The following EYS variants were observed in gnomAD, a reference collection of about 807,000 sequenced individuals.
EYS encodes EGF-like photoreceptor maintenance factor, also known as protein eyes shut homolog.
In EYS, 250 loss-of-function variants were observed where a neutral mutation model predicts 282.1. That is an observed-to-expected ratio of 0.89 (90% CI 0.80 to 0.98). The LOEUF (loss-of-function observed/expected upper bound fraction) is 0.98. Ranked by LOEUF, EYS falls within the 50% of genes least tolerant of loss-of-function variation. EYS has a pLI of 0.00. For missense variants in EYS, 4,016 were observed against 3,709.0 expected, an observed-to-expected ratio of 1.08 and a Z score of -2.15; for synonymous variants, 1,355 against 1,282.9, an observed-to-expected ratio of 1.06 and a Z score of -1.20.
At chr6:64,262,332 G>A (rs6915412) in intron 30 of EYS, among the ~76,000 whole-genome samples, 103,272 of 150,586 alleles carry the variant, frequency 0.69, 35,419 homozygotes, top group Non-Finnish European at 0.71. Context: ...TTTTTATATT[G>A]TATATATTTA....
chr6:65,127,351 C>T (rs1775748646), intron 12 of EYS, among the ~76,000 whole-genome samples: 1 of 152,076 alleles, frequency 6.6e-6, no homozygotes, highest in Admixed American at 6.6e-5. Flanking sequence ...CTTTACATAA[C>T]ACCCACCTTT....
At chr6:65,220,400 T>C (rs1488204807) in intron 12 of EYS, among the ~76,000 whole-genome samples, 1 of 152,070 alleles carries the variant, frequency 6.6e-6, no homozygotes, top group Non-Finnish European at 1.5e-5. Flanking sequence ...GAGGGCATGT[T>C]TTTCTCATGA....
rs540826834 is a variant in EYS, at chr6:64,033,289, T to C, written c.6725+33049A>G. 1.1e-4 allele frequency among the ~76,000 whole-genome samples: 17 copies of C among 152,326 alleles called. No individual in the cohort carries two copies. In the South Asian group the frequency reaches 3.3e-3, roughly 30 times the overall value. ...TTTCACCTACTCATCGTAAGTCTAC[T>C]TCCGTTAGAGAAAAAAGGCTCCTTT... On this transcript the variant is annotated intron_variant, in intron 33 of 42. Transcript: ENST00000503581.
intron 5 of EYS, among the ~76,000 whole-genome samples, chr6:65,449,672 T>C (rs1176191154): frequency 6.6e-6 from 1 of 152,108 alleles, no homozygotes; most frequent in Non-Finnish European, 1.5e-5. Flanking sequence ...GTATCTCATT[T>C]TAAAGCAAAG....
intron 11 of EYS, among the ~76,000 whole-genome samples, chr6:65,298,549 T>C (rs1186263269): frequency 6.6e-6 from 1 of 151,992 alleles, no homozygotes; most frequent in Non-Finnish European, 1.5e-5. Flanking sequence ...TACTTTTTCT[T>C]GTGTACTCGT....
At chr6:65,223,945 T>C (rs1306874883) in intron 12 of EYS, among the ~76,000 whole-genome samples, 2 of 152,136 alleles carry the variant, frequency 1.3e-5, no homozygotes, top group Non-Finnish European at 2.9e-5. Flanking sequence ...TATCTGTAAG[T>C]AATACATTCA....
intron 32 of EYS, among the ~76,000 whole-genome samples, chr6:64,074,082 AT>A (rs996148477): frequency 2.0e-5 from 3 of 151,286 alleles, no homozygotes; most frequent in African/African-American, 4.8e-5. Context: ...TCATTTATTG[AT>A]TTTTTTTCTG....
chr6:64,223,195 A>G (rs1766154021), intron 31 of EYS, among the ~76,000 whole-genome samples: 5 of 151,924 alleles, frequency 3.3e-5, no homozygotes, highest in Admixed American at 6.6e-5. Context: ...CATTCTTCCC[A>G]CTGTTTAACC....
At chr6:65,012,001 C>T (rs940485209) in intron 13 of EYS, among the ~76,000 whole-genome samples, 2 of 152,278 alleles carry the variant, frequency 1.3e-5, no homozygotes, top group South Asian at 2.1e-4. Context: ...CAATTTGATG[C>T]TCCCTATATT....
At chr6:64,295,828 T>C (rs970209771) in intron 30 of EYS, among the ~76,000 whole-genome samples, 9 of 152,092 alleles carry the variant, frequency 5.9e-5, no homozygotes, top group Non-Finnish European at 1.0e-4. Context: ...TATTTCAGAA[T>C]TTTGGGTAAG....
At chr6:64,228,904 CAG>C (rs1323422106) in intron 31 of EYS, among the ~76,000 whole-genome samples, 1 of 151,994 alleles carries the variant, frequency 6.6e-6, no homozygotes, top group Non-Finnish European at 1.5e-5. Flanking sequence ...TTCAGTGGGA[CAG>C]AGAGAAATGA....
At chr6:65,444,135 A>G (rs903636261) in intron 5 of EYS, among the ~76,000 whole-genome samples, 1 of 152,044 alleles carries the variant, frequency 6.6e-6, no homozygotes, top group African/African-American at 2.4e-5. Flanking sequence ...AAGGAAACAG[A>G]GTAGTCAATT....
chr6:64,593,201 G>C lies in EYS; in HGVS notation c.3793C>G (p.Pro1265Ala). The C allele has an allele frequency of 6.5e-7, 1 of 1,549,978 alleles. No homozygotes were observed. Among genetic ancestry groups the C allele is most frequent in the African/African-American group, 1.4e-5 (1 of 73,014 alleles). ...PISTQTYTIPPSETLVSSFPS... is the reference protein window; with the variant it reads ...PISTQTYTIPASETLVSSFPS... ...AAGCTGCTGACCAAAGTCTCAGAAGGGGGAATTGTATATGTCTGTGTGGAA... is the reference window on the plus strand; with the variant it reads ...AAGCTGCTGACCAAAGTCTCAGAAGCGGGAATTGTATATGTCTGTGTGGAA... The change falls in exon 25 of 43, where the codon CCT becomes GCT. Residue 1265 changes from proline (P) to alanine (A), a missense_variant. Transcript: ENST00000503581.
intron 35 of EYS, among the ~76,000 whole-genome samples, chr6:63,952,870 C>G (rs1765659242): frequency 6.6e-6 from 1 of 152,104 alleles, no homozygotes; most frequent in African/African-American, 2.4e-5. Context: ...CGCCAATATC[C>G]CATCCCACAG....
In EYS at chr6:64,822,659, T is replaced by C. The variant is rs1178403313; in HGVS notation, c.3156A>G (p.Leu1052=). The C allele has an allele frequency of 2.0e-6, 3 of 1,537,348 alleles. No homozygotes were observed. The African/African-American group carries it at 4.2e-5, about 21-fold the overall frequency. Residue 1052 remains leucine, a synonymous_variant, in exon 20 of 43, where the codon CTA becomes CTG. Transcript: ENST00000503581. ...NANDCLSNPC[L]HGRCTELINE... ...ATAAAAAAAATAGCTACCTTCCATG[T>C]AGACAAGGATTTGAAAGGCAATCAT... is the stretch of plus-strand genomic sequence containing the variant.
intron 41 of EYS, among the ~76,000 whole-genome samples, chr6:63,754,814 TA>T (rs1769435909): frequency 6.6e-6 from 1 of 152,218 alleles, no homozygotes; most frequent in Non-Finnish European, 1.5e-5. Context: ...ACCAACAGTG[TA>T]AAGGCATTCC....
At chr6:64,422,696 C>T (rs1459949434) in intron 28 of EYS, among the ~76,000 whole-genome samples, 1 of 151,994 alleles carries the variant, frequency 6.6e-6, no homozygotes, top group African/African-American at 2.4e-5. Flanking sequence ...CCTATTAATA[C>T]ATTTGGTCTT....
intron 12 of EYS, among the ~76,000 whole-genome samples, chr6:65,136,084 A>G (rs774037132): frequency 1.4e-4 from 21 of 152,098 alleles, no homozygotes; most frequent in Non-Finnish European, 2.6e-4. Context: ...ATAAAGACAA[A>G]TAAAAAAATT....
chr6:65,566,442 A>G (rs1380785408), intron 2 of EYS, among the ~76,000 whole-genome samples: 2 of 152,158 alleles, frequency 1.3e-5, no homozygotes, highest in Non-Finnish European at 2.9e-5. Context: ...TGAACCAACA[A>G]TCAGGTAGGG....
Sources: allele counts gnomAD v4.1 joint callset (sites outside exome capture counted in the v4.1 genomes callset), GRCh38; gene constraint gnomAD v4.1.1; transcripts MANE v1.5; gene names NCBI Gene and HGNC (gene_info 2026-07-23, HGNC 2026-07-21).